The following SYNPR variants were observed in gnomAD, a reference collection of about 807,000 sequenced individuals.
SYNPR encodes the protein synaptoporin.
Under a neutral mutation model 32.9 loss-of-function variants are expected in SYNPR, and 23 were observed. The ratio of observed to expected loss-of-function variants is 0.70; its 90% CI spans 0.50 to 0.99. The LOEUF (loss-of-function observed/expected upper bound fraction) is 0.99, where lower values mean the gene tolerates loss of function less well. SYNPR is among the 50% of genes least tolerant of loss of function. SYNPR has a pLI of 0.00. For synonymous variants in SYNPR, 146 were observed against 135.9 expected (o/e 1.07, Z -0.52); for missense variants, 318 against 349.3 (o/e 0.91, Z 0.71).
intron 2 of SYNPR, among the ~76,000 whole-genome samples, chr3:63,361,789 A>AAT (rs1440853559): frequency 1.0e-4 from 15 of 150,608 alleles, no homozygotes; most frequent in East Asian, 6.4e-4. Flanking sequence ...TATTTCTACA[A>AAT]ATATATATAT....
chr3:63,459,318 A>T (rs562060311), intron 2 of SYNPR, among the ~76,000 whole-genome samples: 8 of 152,032 alleles, frequency 5.3e-5, no homozygotes, highest in Non-Finnish European at 1.0e-4. Context: ...GTTTTTCTCC[A>T]TCCTTTTTGA....
At chr3:63,437,206 C>T (rs1016431931) in intron 2 of SYNPR, among the ~76,000 whole-genome samples, 8 of 152,110 alleles carry the variant, frequency 5.3e-5, no homozygotes, top group African/African-American at 1.9e-4. Context: ...ACAGCTCTTT[C>T]CTCTAGAGAC....
At chr3:63,463,504 G>A (rs1266008817) in intron 2 of SYNPR, among the ~76,000 whole-genome samples, 2 of 152,142 alleles carry the variant, frequency 1.3e-5, no homozygotes, top group African/African-American at 4.8e-5. Flanking sequence ...TTTCAAAGGA[G>A]GCATCCATAG....
intron 2 of SYNPR, among the ~76,000 whole-genome samples, chr3:63,259,392 AT>A (rs2086417718): frequency 6.6e-6 from 1 of 152,212 alleles, no homozygotes; most frequent in African/African-American, 2.4e-5. Flanking sequence ...AGTGGGCTTC[AT>A]CCCTGGGATG....
intron 2 of SYNPR, chr3:63,445,540 T>C (rs963364030): frequency 7.1e-6 from 5 of 700,984 alleles, no homozygotes; most frequent in Non-Finnish European, 1.3e-5. Flanking sequence ...TCTCTTCTTT[T>C]TAGCATAATG....
intron 2 of SYNPR, among the ~76,000 whole-genome samples, chr3:63,478,501 A>C (rs1174607383): frequency 6.6e-6 from 1 of 152,206 alleles, no homozygotes; most frequent in Non-Finnish European, 1.5e-5. Context: ...AAATATGACC[A>C]TGTATGTTAC....
At chr3:63,244,016 G>T (rs1310441195) in intron 1 of SYNPR, among the ~76,000 whole-genome samples, 2 of 152,052 alleles carry the variant, frequency 1.3e-5, no homozygotes, top group Non-Finnish European at 2.9e-5. Flanking sequence ...TCTAATACAA[G>T]GACTTGCTTA....
At chr3:63,426,484 G>C (rs1348279961) in intron 2 of SYNPR, among the ~76,000 whole-genome samples, 2 of 152,164 alleles carry the variant, frequency 1.3e-5, no homozygotes, top group East Asian at 1.9e-4. Flanking sequence ...CCAGGCAATG[G>C]GGGGTATGGG....
intron 2 of SYNPR, among the ~76,000 whole-genome samples, chr3:63,291,288 G>A (rs2086736133): frequency 6.6e-6 from 1 of 151,970 alleles, no homozygotes; most frequent in Admixed American, 6.6e-5. Flanking sequence ...TTATCTTTCT[G>A]CCTCTCAATT....
chr3:63,322,862 A>T (rs903848353), intron 2 of SYNPR, among the ~76,000 whole-genome samples: 1 of 152,102 alleles, frequency 6.6e-6, no homozygotes, highest in Non-Finnish European at 1.5e-5. Flanking sequence ...TTTATGGAAG[A>T]GACTACAAAA....
At chr3:63,231,572 C>T (rs1443628551) in intron 1 of SYNPR, among the ~76,000 whole-genome samples, 2 of 143,734 alleles carry the variant, frequency 1.4e-5, no homozygotes, top group African/African-American at 2.5e-5. Flanking sequence ...CAGGAAATTA[C>T]TTCCATAATG....
intron 2 of SYNPR, among the ~76,000 whole-genome samples, chr3:63,436,541 G>A (rs1403773035): frequency 6.6e-6 from 1 of 152,006 alleles, no homozygotes; most frequent in Non-Finnish European, 1.5e-5. Flanking sequence ...GGGATATTTA[G>A]GGAGTTTCTA....
At chr3:63,499,976 T>C (rs984053420) in intron 3 of SYNPR, among the ~76,000 whole-genome samples, 1 of 152,156 alleles carries the variant, frequency 6.6e-6, no homozygotes, top group Non-Finnish European at 1.5e-5. Context: ...ACACTATTTA[T>C]TTGCCATTGG....
intron 2 of SYNPR, among the ~76,000 whole-genome samples, chr3:63,264,853 A>G (rs2086469886): frequency 6.6e-6 from 1 of 152,124 alleles, no homozygotes; most frequent in Non-Finnish European, 1.5e-5. Context: ...CCAGACGCTT[A>G]TAAAACCGTC....
chr3:63,220,049 C>CT, the SYNPR span, among the ~76,000 whole-genome samples: 25 of 152,214 alleles, frequency 1.6e-4, no homozygotes, highest in African/African-American at 6.0e-4. Context: ...CAACATAGCA[C>CT]TTTGTCCATT....
chr3:63,232,090 T>C (rs553272012), intron 1 of SYNPR, among the ~76,000 whole-genome samples: 1 of 151,356 alleles, frequency 6.6e-6, no homozygotes, highest in Non-Finnish European at 1.5e-5. Context: ...AGATATGAGG[T>C]ACTTCATCTG....
chr3:63,615,943 G>A lies in SYNPR; in HGVS notation c.*462G>A, dbSNP rs566370037. The A allele has an allele frequency of 6.6e-6, 1 of 152,464 alleles. No individual in the cohort carries two copies. The highest frequency in any genetic ancestry group is 6.5e-5 in the Admixed American group (1 of 15,300). 9.4% of individuals were successfully genotyped at this position (152,464 alleles called of 1,614,324 possible). A position where few individuals can be genotyped will look rare whatever the true frequency, so the allele number is the denominator to read the frequency against. ...TTAGTTTTAAGTCCTATAGGACTAT[G>A]AGTCTCTAAGTTATTTGTTTCAGAA... On this transcript the variant is annotated 3_prime_UTR_variant, in exon 6 of 6. Coordinates refer to ENST00000478300, the MANE Select transcript of SYNPR (RefSeq NM_001130003.2).
chr3:63,368,399 A>G lies in SYNPR; in HGVS notation c.84+89657A>G, dbSNP rs2087753349. Among the ~76,000 whole-genome samples, 5 of 152,346 alleles carry G rather than the reference A, an allele frequency of 3.3e-5. No individual in the cohort carries two copies. The South Asian group carries it at 1.0e-3, about 32-fold the overall frequency. ...ATGAAAGAGGAATGTGATGTTGCAT[A>G]TGCTGAGTTCCAGTTGAGAAAATTG... On this transcript the variant is annotated intron_variant, in intron 2 of 5. Transcript: ENST00000478300.
At chr3:63,248,909 G>C (rs1413554640) in intron 1 of SYNPR, among the ~76,000 whole-genome samples, 1 of 151,962 alleles carries the variant, frequency 6.6e-6, no homozygotes, top group Admixed American at 6.6e-5. Flanking sequence ...CATTGTCAAC[G>C]CATAATTGTT....
Sources: gnomAD v4.1 joint callset for allele counts (sites outside exome capture counted in the v4.1 genomes callset) on GRCh38, gnomAD v4.1.1 for gene constraint, MANE v1.5 for transcripts, NCBI Gene and HGNC (gene_info 2026-07-23, HGNC 2026-07-21) for gene names.